SNRPN: variants seen among roughly 807,000 people sequenced by gnomAD.
SNRPN encodes the protein small nuclear ribonucleoprotein polypeptide N.
A neutral mutation model predicts 25.2 loss-of-function variants in SNRPN; 7 were observed. The observed-to-expected ratio is 0.28, with a 90% CI of 0.16 to 0.52. The LOEUF is 0.52. SNRPN is among the 20% of genes least tolerant of loss of function. SNRPN has a pLI of 0.96. For missense variants in SNRPN, 196 were observed against 322.5 expected, an observed-to-expected ratio of 0.61 and a Z score of 3.00; for synonymous variants, 124 against 110.6, an observed-to-expected ratio of 1.12 and a Z score of -0.76.
intron 2 of SNRPN, among the ~76,000 whole-genome samples, chr15:24,838,203 A>C (rs2051389608): frequency 6.7e-6 from 1 of 149,906 alleles, no homozygotes; most frequent in African/African-American, 2.5e-5. Context: ...CCCAGGTAAA[A>C]TTTTTGTATT....
chr15:24,911,214 A>T (rs1251517337), intron 2 of SNRPN: 9 of 464,774 alleles, frequency 1.9e-5, no homozygotes, highest in Non-Finnish European at 3.3e-5. Flanking sequence ...GAAAATTAAC[A>T]GCCTGGCCTT....
intron 1 of SNRPN, among the ~76,000 whole-genome samples, chr15:24,885,310 T>C (rs2057097605): frequency 6.6e-6 from 1 of 152,164 alleles, no homozygotes; most frequent in African/African-American, 2.4e-5. Flanking sequence ...AAGATGGAGC[T>C]GAACTTAAAA....
chr15:24,880,103 G>T (rs896342657), intron 1 of SNRPN, among the ~76,000 whole-genome samples: 2 of 152,172 alleles, frequency 1.3e-5, no homozygotes, highest in African/African-American at 2.4e-5. Context: ...AGAAAAAAAG[G>T]AAAATGGTGA....
At chr15:24,890,665 C>T (rs545433142) in intron 2 of SNRPN, among the ~76,000 whole-genome samples, 1 of 151,932 alleles carries the variant, frequency 6.6e-6, no homozygotes, top group African/African-American at 2.4e-5. Context: ...GGCAACAGAG[C>T]GAGACTCTGT....
intron 1 of SNRPN, among the ~76,000 whole-genome samples, chr15:24,880,289 AAG>A (rs1424342321): frequency 6.6e-6 from 1 of 152,086 alleles, no homozygotes; most frequent in African/African-American, 2.4e-5. Flanking sequence ...TTGCCTCTAA[AAG>A]AGGGGGGTGG....
intron 2 of SNRPN, chr15:24,850,350 G>T (rs976268774): frequency 6.6e-6 from 1 of 151,878 alleles, no homozygotes. Context: ...TCTCTTTGTT[G>T]TCCAGGCTGG....
chr15:24,905,831 GT>G (rs1370522872), intron 2 of SNRPN, among the ~76,000 whole-genome samples: 1 of 152,172 alleles, frequency 6.6e-6, no homozygotes, highest in African/African-American at 2.4e-5. Flanking sequence ...AGTCTAATGA[GT>G]TTTCCTAGTT....
intron 2 of SNRPN, among the ~76,000 whole-genome samples, chr15:24,914,951 T>G (rs1328735419): frequency 6.6e-6 from 1 of 151,422 alleles, no homozygotes; most frequent in Non-Finnish European, 1.5e-5. Flanking sequence ...GAATGGAAAA[T>G]TACTAAAAGG....
At chr15:24,887,763 C>A (rs561175548) in intron 2 of SNRPN, among the ~76,000 whole-genome samples, 1 of 152,080 alleles carries the variant, frequency 6.6e-6, no homozygotes, top group Non-Finnish European at 1.5e-5. Flanking sequence ...ATACCCCAGC[C>A]CATGAGGTCT....
intron 2 of SNRPN, chr15:24,850,172 C>CA (rs1278320351): frequency 2.6e-5 from 4 of 152,184 alleles, no homozygotes; most frequent in Non-Finnish European, 5.9e-5. Context: ...CAGAAGGTTG[C>CA]AAAACAAGTG....
intron 3 of SNRPN, among the ~76,000 whole-genome samples, chr15:24,971,756 TGTA>T (rs1204899764): frequency 1.4e-4 from 22 of 152,200 alleles, no homozygotes; most frequent in Non-Finnish European, 8.8e-5. Context: ...GCTTTAGTGA[TGTA>T]GTGCTGATAA....
upstream of SNRPN, among the ~76,000 whole-genome samples, chr15:24,855,667 C>T (rs1289306513): frequency 6.6e-6 from 1 of 151,786 alleles, no homozygotes; most frequent in African/African-American, 2.4e-5. Context: ...TGGCGGGCAC[C>T]TGTAATCCCA....
chr15:24,959,801 C>T (rs2074475441), intron 1 of SNRPN, among the ~76,000 whole-genome samples: 1 of 152,172 alleles, frequency 6.6e-6, no homozygotes, highest in Non-Finnish European at 1.5e-5. Flanking sequence ...GTTGTTTCCA[C>T]TCTTTGGCTA....
rs778981413 is a variant in SNRPN, at chr15:24,871,926, C to G, written c.-578-14590C>G. Among the ~76,000 whole-genome samples, 2 of 118,954 alleles carry G rather than the reference C, an allele frequency of 1.7e-5. 1 individual carries two copies. The highest frequency in any genetic ancestry group is 3.7e-5 in the Non-Finnish European group (2 of 54,424). The allele number at this position is 118,954 out of a possible 152,430, so 78.0% of individuals were successfully genotyped here. A position where few individuals can be genotyped will look rare whatever the true frequency, so the allele number is the denominator to read the frequency against. On this transcript the variant is annotated intron_variant, in intron 1 of 11. Transcript: ENST00000400097. ...TTCACCATGTTAGCCAGGATGGTCT[C>G]GATCTCCTGACTTCATGATTCGCCC... is the stretch of plus-strand genomic sequence containing the variant.
chr15:24,844,606 C>T (rs966573701), intron 2 of SNRPN, among the ~76,000 whole-genome samples: 3 of 152,100 alleles, frequency 2.0e-5, no homozygotes, highest in Non-Finnish European at 4.4e-5. Context: ...CTCACTGCAA[C>T]TTCCGCCTCC....
chr15:24,845,336 C>T (rs189522662), intron 2 of SNRPN, among the ~76,000 whole-genome samples: 29 of 152,306 alleles, frequency 1.9e-4, no homozygotes, highest in South Asian at 1.7e-3. Context: ...CGGTGGCTCA[C>T]GCCTGTAATC....
intron 1 of SNRPN, among the ~76,000 whole-genome samples, chr15:24,884,382 T>C (rs1345772370): frequency 6.6e-6 from 1 of 152,144 alleles, no homozygotes. Context: ...GTATTGATTG[T>C]GCTTTTCATA....
At chr15:24,883,916 G>A (rs1393062064) in intron 1 of SNRPN, among the ~76,000 whole-genome samples, 1 of 150,348 alleles carries the variant, frequency 6.7e-6, no homozygotes, top group Non-Finnish European at 1.5e-5. Context: ...TGAGGCACGA[G>A]AATTGCTTGA....
At chr15:24,843,096 A>C (rs891175534) in intron 2 of SNRPN, among the ~76,000 whole-genome samples, 3 of 152,094 alleles carry the variant, frequency 2.0e-5, no homozygotes, top group Non-Finnish European at 1.5e-5. Flanking sequence ...TTTTTAAGAC[A>C]GAGTTTCGCT....
Sources: allele counts gnomAD v4.1 joint callset (sites outside exome capture counted in the v4.1 genomes callset), GRCh38; gene constraint gnomAD v4.1.1; transcripts MANE v1.5; gene names NCBI Gene and HGNC (gene_info 2026-07-23, HGNC 2026-07-21).